The following CAP2 variants were observed in gnomAD, a reference collection of about 807,000 sequenced individuals.
CAP2 encodes adenylyl cyclase-associated protein 2.
Under a neutral mutation model 57.7 loss-of-function variants are expected in CAP2, and 24 were observed. The ratio of observed to expected loss-of-function variants is 0.42; its 90% CI spans 0.30 to 0.58. The LOEUF is 0.58. CAP2 is among the 20% of genes least tolerant of loss of function. The probability of loss-of-function intolerance (pLI) is 0.22; values close to 1 mark genes in which losing one functional copy is unlikely to be tolerated. For missense variants in CAP2, 501 were observed against 590.3 expected, an observed-to-expected ratio of 0.85 and a Z score of 1.57; for synonymous variants, 194 against 207.2, an observed-to-expected ratio of 0.94 and a Z score of 0.55.
intron 1 of CAP2, among the ~76,000 whole-genome samples, chr6:17,408,117 C>T (rs1050070443): frequency 2.6e-4 from 40 of 152,084 alleles, no homozygotes; most frequent in Non-Finnish European, 5.9e-5. Context: ...ATTAGTATTG[C>T]TATAAAGGAT....
intron 3 of CAP2, among the ~76,000 whole-genome samples, chr6:17,430,498 G>A (rs568542628): frequency 6.6e-6 from 1 of 151,546 alleles, no homozygotes; most frequent in East Asian, 1.9e-4. Flanking sequence ...CTAGCCCTTG[G>A]TTGGACATCA....
intron 9 of CAP2, among the ~76,000 whole-genome samples, chr6:17,541,805 G>T (rs1211949114): frequency 6.6e-6 from 1 of 152,214 alleles, no homozygotes; most frequent in East Asian, 1.9e-4. Flanking sequence ...TGAAGTGACA[G>T]AGGCAAAAAC....
intron 1 of CAP2, among the ~76,000 whole-genome samples, chr6:17,409,124 C>CACTTGGGGTT (rs1162026723): frequency 6.6e-6 from 1 of 150,496 alleles, no homozygotes; most frequent in East Asian, 2.0e-4. Context: ...GTAATCCCAG[C>CACTTGGGGTT]ACTTTAGGAG....
intron 4 of CAP2, among the ~76,000 whole-genome samples, chr6:17,469,229 G>C (rs1760951152): frequency 6.6e-6 from 1 of 152,384 alleles, no homozygotes; most frequent in Non-Finnish European, 1.5e-5. Context: ...TGTCCCACCA[G>C]TCTAACCCTG....
intron 3 of CAP2, among the ~76,000 whole-genome samples, chr6:17,428,938 T>G (rs1157855199): frequency 6.6e-6 from 1 of 152,172 alleles, no homozygotes; most frequent in African/African-American, 2.4e-5. Context: ...CTCATCACAT[T>G]GCAATGTATT....
chr6:17,529,731 A>T (rs1762597109), intron 7 of CAP2, among the ~76,000 whole-genome samples: 1 of 151,514 alleles, frequency 6.6e-6, no homozygotes. Flanking sequence ...TATGTGTATA[A>T]AACATTAGGT....
intron 7 of CAP2, among the ~76,000 whole-genome samples, chr6:17,534,727 GC>G (rs1762732356): frequency 6.6e-6 from 1 of 152,164 alleles, no homozygotes; most frequent in Non-Finnish European, 1.5e-5. Context: ...AAGGCTGCAG[GC>G]TCTGATCTGA....
chr6:17,491,956 C>A (rs1561802914), intron 4 of CAP2, among the ~76,000 whole-genome samples: 2 of 152,244 alleles, frequency 1.3e-5, no homozygotes, highest in Non-Finnish European at 2.9e-5. Context: ...CCTCGCATGA[C>A]CTGCTGATGA....
intron 1 of CAP2, among the ~76,000 whole-genome samples, chr6:17,418,922 AG>A (rs1759357980): frequency 6.6e-6 from 1 of 152,134 alleles, no homozygotes; most frequent in Non-Finnish European, 1.5e-5. Flanking sequence ...TCTGACGTGA[AG>A]AGGAAAAGAA....
At position 17,500,284 on chromosome 6, in the gene CAP2, G is replaced by A. The variant is rs563801939; in HGVS notation, c.301-6885G>A. On this transcript the variant is annotated intron_variant, in intron 4 of 12. Coordinates refer to ENST00000229922, the MANE Select transcript of CAP2 (RefSeq NM_006366.3). ...AAAAAATTGCTGCTGACTTTAAATGGTGAAAATAATTGCTTCAATTATTAG... is the reference window on the plus strand; with the variant it reads ...AAAAAATTGCTGCTGACTTTAAATGATGAAAATAATTGCTTCAATTATTAG... Among the ~76,000 whole-genome samples the A allele has an allele frequency of 8.6e-5, 12 of 139,086 alleles. No individual in the cohort carries two copies. The South Asian group carries it at 2.1e-3, about 24-fold the overall frequency. 91.2% of individuals were successfully genotyped at this position (139,086 alleles called of 152,430 possible).
chr6:17,542,976 G>T lies in CAP2; in HGVS notation c.1126+16G>T. ...ATTATAATTGGTAGGGCAGAATTAT[G>T]GCTCTATGGTTATTATGATGTTTTA... On this transcript the variant is annotated intron_variant, in intron 10 of 12. Transcript: ENST00000229922. 6.2e-7 allele frequency: 1 copy of T among 1,613,364 alleles called. No homozygotes were observed. The highest frequency in any genetic ancestry group is 8.5e-7 in the Non-Finnish European group (1 of 1,179,428).
chr6:17,498,988 C>G (rs1761734609), intron 4 of CAP2, among the ~76,000 whole-genome samples: 1 of 151,748 alleles, frequency 6.6e-6, no homozygotes, highest in South Asian at 2.1e-4. Flanking sequence ...CTCGGCCTCC[C>G]AAAGTGCTGT....
In CAP2 at chr6:17,531,457, A is replaced by G. The variant is rs529748352; in HGVS notation, c.637-7812A>G. 1.4e-4 allele frequency: 215 copies of G among 1,525,042 alleles called. 1 individual carries two copies. The highest frequency in any genetic ancestry group is 2.2e-4 in the African/African-American group (16 of 73,568). 94.5% of individuals were successfully genotyped at this position (1,525,042 alleles called of 1,614,324 possible). ...GAATTTCAGTTCTGTACATCTGCCTATATTCCTTGTGATAGTGCTTCGCTT... is the reference window on the plus strand; with the variant it reads ...GAATTTCAGTTCTGTACATCTGCCTGTATTCCTTGTGATAGTGCTTCGCTT... On this transcript the variant is annotated intron_variant, in intron 7 of 12. Transcript: ENST00000229922.
chr6:17,410,713 A>G (rs908916175), intron 1 of CAP2, among the ~76,000 whole-genome samples: 1 of 151,772 alleles, frequency 6.6e-6, no homozygotes, highest in African/African-American at 2.4e-5. Flanking sequence ...GACCGCCACC[A>G]CGCCTGGTCA....
chr6:17,486,013 T>C (rs1269311236), intron 4 of CAP2, among the ~76,000 whole-genome samples: 1 of 152,138 alleles, frequency 6.6e-6, no homozygotes, highest in African/African-American at 2.4e-5. Context: ...TACACAACAA[T>C]CACCTATAAT....
chr6:17,428,577 G>A (rs1759647277), intron 3 of CAP2, among the ~76,000 whole-genome samples: 1 of 141,886 alleles, frequency 7.0e-6, no homozygotes, highest in Admixed American at 7.5e-5. Flanking sequence ...TGAACAATGA[G>A]ATCACATGGA....
At chr6:17,546,010 C>T (rs1192117954) in intron 11 of CAP2, among the ~76,000 whole-genome samples, 2 of 152,172 alleles carry the variant, frequency 1.3e-5, no homozygotes, top group Non-Finnish European at 2.9e-5. Context: ...CATATGTGTG[C>T]ATGTGTCTTT....
At chr6:17,542,752 A>T (rs1762936514) in intron 9 of CAP2, 85 bp from the exon 10 acceptor site, 1 of 1,067,572 alleles carries the variant, frequency 9.4e-7, no homozygotes, top group East Asian at 2.4e-5. Context: ...GCCATACTTC[A>T]TGCTGAGCTC....
At chr6:17,404,034 T>C (rs993190034) in intron 1 of CAP2, among the ~76,000 whole-genome samples, 1 of 152,230 alleles carries the variant, frequency 6.6e-6, no homozygotes, top group Non-Finnish European at 1.5e-5. Context: ...CTCACCCTGC[T>C]GCTATTTTCT....
Sources: gnomAD v4.1 joint callset for allele counts (sites outside exome capture counted in the v4.1 genomes callset) on GRCh38, gnomAD v4.1.1 for gene constraint, MANE v1.5 for transcripts, NCBI Gene and HGNC (gene_info 2026-07-23, HGNC 2026-07-21) for gene names.